The following PAPPA variants were observed in gnomAD, a reference collection of about 807,000 sequenced individuals.
PAPPA encodes the protein pappalysin-1.
A neutral mutation model predicts 164.0 loss-of-function variants in PAPPA; 60 were observed. The ratio of observed to expected loss-of-function variants is 0.37; its 90% CI spans 0.30 to 0.45. PAPPA has a LOEUF of 0.45. PAPPA is among the 20% of genes least tolerant of loss of function. The pLI is 1.00. For synonymous variants in PAPPA, 875 were observed against 814.1 expected (o/e 1.07, Z -1.27); for missense variants, 1,782 against 2,087.3 (o/e 0.85, Z 2.85).
chr9:116,275,328 G>A (rs1271800940), intron 9 of PAPPA, among the ~76,000 whole-genome samples: 2 of 152,210 alleles, frequency 1.3e-5, no homozygotes, highest in South Asian at 2.1e-4. Flanking sequence ...TGTGTGGAAT[G>A]TTGCGGGCAC....
intron 10 of PAPPA, among the ~76,000 whole-genome samples, chr9:116,314,310 C>T (rs1015779073): frequency 6.6e-6 from 1 of 151,926 alleles, no homozygotes; most frequent in Non-Finnish European, 1.5e-5. Context: ...ATCTCGTGAT[C>T]CACCTGCCTC....
chr9:116,287,227 A>C (rs1429242799), intron 9 of PAPPA: 1 of 152,252 alleles, frequency 6.6e-6, no homozygotes, highest in Non-Finnish European at 1.5e-5. Flanking sequence ...AATGCCCAGC[A>C]TGGAGAAAGT....
chr9:116,168,199 T>C (rs1239790192), intron 1 of PAPPA, among the ~76,000 whole-genome samples: 1 of 152,216 alleles, frequency 6.6e-6, no homozygotes, highest in Non-Finnish European at 1.5e-5. Context: ...CAATGAGAAA[T>C]GAAAGTTTAT....
At chr9:116,249,790 G>C (rs1404569766) in intron 7 of PAPPA, among the ~76,000 whole-genome samples, 3 of 152,156 alleles carry the variant, frequency 2.0e-5, no homozygotes, top group Non-Finnish European at 4.4e-5. Context: ...CACAATGAAT[G>C]CAGCTATAGA....
intron 14 of PAPPA, 94 bp downstream of exon 14, chr9:116,344,805 T>A: frequency 9.5e-7 from 1 of 1,049,624 alleles, no homozygotes; most frequent in Non-Finnish European, 1.4e-6. Flanking sequence ...CAGCAGCACT[T>A]AAAATAGTGC....
rs1846743107 is a variant in PAPPA at position 116,382,328 on chromosome 9, A to C, written c.4678-67A>C. The stretch of plus-strand genomic sequence containing the variant: ...ATGACAGACACCCGAAGGACTGCAG[A>C]CGTCAGCTCCCACTCACTCCAGGAT... On this transcript the variant is annotated intron_variant, in intron 20 of 21. Coordinates refer to ENST00000328252, the MANE Select transcript of PAPPA (RefSeq NM_002581.5). 7 of 951,888 alleles carry C rather than the reference A, an allele frequency of 7.4e-6. No individual in the cohort carries two copies. The South Asian group carries it at 9.0e-5, about 12-fold the overall frequency. The allele number at this position is 951,888 out of a possible 1,614,324, so 59.0% of individuals were successfully genotyped here.
intron 2 of PAPPA, among the ~76,000 whole-genome samples, chr9:116,189,516 A>C (rs1169324695): frequency 1.3e-5 from 2 of 152,194 alleles, no homozygotes. Context: ...AAAAGAGGAC[A>C]GAAAAGGGGG....
intron 21 of PAPPA, among the ~76,000 whole-genome samples, chr9:116,385,262 TAAATAAATAAATA>T (rs1846792324): frequency 6.9e-6 from 1 of 145,936 alleles, no homozygotes; most frequent in Non-Finnish European, 1.5e-5. Context: ...AATAAATAAA[TAAATAAATAAATA>T]AATAAATAAT....
intron 1 of PAPPA, among the ~76,000 whole-genome samples, chr9:116,176,346 G>A (rs1843834773): frequency 6.6e-6 from 1 of 152,176 alleles, no homozygotes; most frequent in South Asian, 2.1e-4. Flanking sequence ...AGGATTTTAG[G>A]AAGATGAATC....
In PAPPA at chr9:116,211,797, G is replaced by A. The variant is rs534133186; in HGVS notation, c.1783G>A (p.Glu595Lys). ...CTGCATGGAGACAGAGCCCTCCTTC[G>A]AGACTGGAGACCTCTGCAATGATAC... is the stretch of plus-strand genomic sequence containing the variant. ...DPCMETEPSFETGDLCNDTNP... is the reference protein window; with the variant it reads ...DPCMETEPSFKTGDLCNDTNP... Residue 595 changes from glutamate (E) to lysine (K), a missense_variant, in exon 4 of 22, where the codon GAG becomes AAG. Physicochemically the swap from Glu to Lys is moderately conservative, Grantham distance 56 (BLOSUM62 1). Around this residue, in one of 2 missense-constraint regions of PAPPA, gnomAD observed 1,324 missense variants for 1,656.9 expected, o/e 0.80. Transcript: ENST00000328252. The A allele has an allele frequency of 1.1e-5, 17 of 1,613,988 alleles. No individual in the cohort carries two copies. The highest frequency in any genetic ancestry group is 5.0e-5 in the Admixed American group (3 of 59,994).
chr9:116,236,503 C>A (rs1844669402), intron 7 of PAPPA, among the ~76,000 whole-genome samples: 1 of 150,502 alleles, frequency 6.6e-6, no homozygotes, highest in Non-Finnish European at 1.5e-5. Flanking sequence ...AGGAGAATCT[C>A]TTGAATCCAG....
rs1843575732 is a variant in PAPPA, at chr9:116,154,443, A to C, written c.271A>C (p.Ser91Arg). 7.8e-7 allele frequency: 1 copy of C among 1,275,258 alleles called. No homozygotes were observed. The highest frequency in any genetic ancestry group is 9.9e-7 in the Non-Finnish European group (1 of 1,011,108). 79.0% of individuals were successfully genotyped at this position (1,275,258 alleles called of 1,614,324 possible). ...GGCGAGGGGCGCCACCGAGGAGCCG[A>C]GCCCGCCGAGCCGGGCGCTCTATTT... is the stretch of plus-strand genomic sequence containing the variant. The part of the protein sequence containing the change: ...REARGATEEP[S>R]PPSRALYFSG... The change falls in exon 1 of 22, where the codon AGC (serine) becomes CGC (arginine). Residue 91 changes from serine to arginine, a missense_variant. This residue lies in a region of PAPPA where 458 missense variants were observed against 430.3 expected (regional missense o/e 1.06). Coordinates refer to ENST00000328252, the MANE Select transcript of PAPPA (RefSeq NM_002581.5). The surrounding 1 kb of genome is among the most constrained non-coding windows in gnomAD (Gnocchi z 5.2).
At chr9:116,168,435 C>G (rs1420944094) in intron 1 of PAPPA, among the ~76,000 whole-genome samples, 1 of 152,094 alleles carries the variant, frequency 6.6e-6, no homozygotes, top group Non-Finnish European at 1.5e-5. Context: ...TATAACTAAG[C>G]AATTAACAGA....
At chr9:116,349,061 C>T (rs1335136110) in intron 15 of PAPPA, among the ~76,000 whole-genome samples, 1 of 152,148 alleles carries the variant, frequency 6.6e-6, no homozygotes, top group Non-Finnish European at 1.5e-5. Context: ...ATTTGTACCT[C>T]TTGTCCTTCT....
intron 19 of PAPPA, among the ~76,000 whole-genome samples, chr9:116,374,174 TGATGATGATG>T (rs1846617120): frequency 8.6e-6 from 1 of 116,742 alleles, no homozygotes; most frequent in Non-Finnish European, 1.9e-5. Context: ...GTGGTGTTGA[TGATGATGATG>T]GTGGTGATGA....
intron 9 of PAPPA, among the ~76,000 whole-genome samples, chr9:116,278,225 C>T (rs578143569): frequency 2.6e-5 from 4 of 152,304 alleles, no homozygotes; most frequent in Non-Finnish European, 5.9e-5. Flanking sequence ...AAAATGATTT[C>T]ATTCACCCTC....
intron 1 of PAPPA, among the ~76,000 whole-genome samples, chr9:116,177,727 G>A (rs772452455): frequency 6.6e-6 from 1 of 152,146 alleles, no homozygotes; most frequent in Non-Finnish European, 1.5e-5. Flanking sequence ...TAAAATGACC[G>A]AAGGAAAGAT....
At chr9:116,238,737 T>G (rs746647144) in intron 7 of PAPPA, among the ~76,000 whole-genome samples, 9 of 152,194 alleles carry the variant, frequency 5.9e-5, no homozygotes, top group Non-Finnish European at 8.8e-5. Context: ...GAATCTTTTG[T>G]GTTTCAAGGA....
intron 9 of PAPPA, among the ~76,000 whole-genome samples, chr9:116,296,870 T>G (rs948227190): frequency 1.3e-5 from 2 of 152,078 alleles, no homozygotes; most frequent in Admixed American, 1.3e-4. Context: ...TTATTTTTTT[T>G]TTGAGACAGA....
Sources: gnomAD v4.1 joint callset for allele counts (sites outside exome capture counted in the v4.1 genomes callset) on GRCh38, gnomAD v4.1.1 for gene constraint, gnomAD v4.1.1 regional missense constraint, Gnocchi (gnomAD v3.1) non-coding constraint, MANE v1.5 for transcripts, NCBI Gene and HGNC (gene_info 2026-07-23, HGNC 2026-07-21) for gene names.